XIRP2: variants seen among roughly 807,000 people sequenced by gnomAD.
XIRP2 encodes xin actin binding repeat containing 2, also known as xin actin-binding repeat-containing protein 2.
XIRP2 carries 236 observed loss-of-function variants against 277.0 expected under a neutral mutation model. The observed-to-expected ratio is 0.85, with a 90% CI of 0.77 to 0.95. The LOEUF (loss-of-function observed/expected upper bound fraction) is 0.95. Among genes scored for constraint, XIRP2 ranks in the 40% least tolerant of loss-of-function variants. XIRP2 has a pLI of 0.00. For synonymous variants in XIRP2, 1,490 were observed against 1,416.5 expected, an observed-to-expected ratio of 1.05 and a Z score of -1.17; for missense variants, 4,640 against 4,157.5, an observed-to-expected ratio of 1.12 and a Z score of -3.19.
At position 167,249,967 on chromosome 2, in the gene XIRP2, G is replaced by A. The variant is rs201728014; in HGVS notation, c.8575G>A (p.Asp2859Asn). ...AAAGGTCGTCAAGCAAAAGGTTATC[G>A]ATGCACATCTTGATTCACAGACTCA... ...APKVVKQKVI[D>N]AHLDSQTQNF... Residue 2859 changes from aspartate (D) to asparagine (N), a missense_variant, in exon 9 of 11, where the codon GAT becomes AAT. Transcript: ENST00000409195. 2.4e-5 allele frequency: 38 copies of A among 1,613,412 alleles called. No individual in the cohort carries two copies. Among genetic ancestry groups the A allele is most frequent in the Non-Finnish European group, 1.9e-5 (23 of 1,179,678 alleles).
chr2:166,896,839 G>A (rs376388647), intron 1 of XIRP2, among the ~76,000 whole-genome samples: 2 of 152,104 alleles, frequency 1.3e-5, no homozygotes, highest in East Asian at 1.9e-4. Flanking sequence ...CCCCATACAG[G>A]TATAATACAT....
chr2:167,044,582 A>G (rs1360102694), intron 2 of XIRP2, among the ~76,000 whole-genome samples: 1 of 152,186 alleles, frequency 6.6e-6, no homozygotes, highest in Non-Finnish European at 1.5e-5. Context: ...CTTTCAGGAT[A>G]CAAAATCAAT....
At chr2:167,142,072 G>A (rs1691736483) in intron 3 of XIRP2, among the ~76,000 whole-genome samples, 1 of 152,078 alleles carries the variant, frequency 6.6e-6, no homozygotes, top group Non-Finnish European at 1.5e-5. Context: ...TGGGAAGTGT[G>A]TGGAATCACT....
At chr2:166,904,657 T>A (rs1684469315) in intron 2 of XIRP2, among the ~76,000 whole-genome samples, 1 of 152,182 alleles carries the variant, frequency 6.6e-6, no homozygotes, top group Admixed American at 6.5e-5. Flanking sequence ...CTGGAATTAC[T>A]TGAATTTATT....
At chr2:166,951,167 A>G (rs1412900812) in intron 2 of XIRP2, among the ~76,000 whole-genome samples, 2 of 152,088 alleles carry the variant, frequency 1.3e-5, no homozygotes, top group Non-Finnish European at 2.9e-5. Context: ...TTAAGCATTC[A>G]TAATGTCATA....
At position 167,243,019 on chromosome 2, in the gene XIRP2, C is replaced by A; in HGVS notation, c.1627C>A (p.Arg543=). Residue 543 remains arginine, a synonymous_variant, in exon 9 of 11, where the codon CGG becomes AGG. Transcript: ENST00000409195. ...SSVSADVQQA[R]YVFENTNDSS... is the part of the protein sequence containing the mutation. ...AGTCTCAGCAGATGTGCAACAAGCC[C>A]GGTATGTTTTTGAAAACACAAATGA... 2 of 1,613,902 alleles carry A rather than the reference C, an allele frequency of 1.2e-6. No homozygotes were observed. Among genetic ancestry groups the A allele is most frequent in the African/African-American group, 2.7e-5 (2 of 74,992 alleles).
chr2:166,995,265 G>A (rs1407099328), intron 2 of XIRP2, among the ~76,000 whole-genome samples: 1 of 152,170 alleles, frequency 6.6e-6, no homozygotes, highest in East Asian at 1.9e-4. Flanking sequence ...ATAGCCATCT[G>A]GCATTTGGAT....
intron 2 of XIRP2, among the ~76,000 whole-genome samples, chr2:167,102,306 A>T (rs937295485): frequency 2.6e-5 from 4 of 152,220 alleles, no homozygotes; most frequent in African/African-American, 9.6e-5. Context: ...AGCCTGCACA[A>T]GAAGTCCTTT....
intron 2 of XIRP2, among the ~76,000 whole-genome samples, chr2:167,071,157 T>C (rs1387928136): frequency 1.3e-5 from 2 of 152,136 alleles, no homozygotes; most frequent in Non-Finnish European, 2.9e-5. Flanking sequence ...TCAATAAAAT[T>C]ACTTCCTAGG....
intron 2 of XIRP2, among the ~76,000 whole-genome samples, chr2:166,959,494 G>A (rs1197175675): frequency 1.3e-5 from 2 of 151,760 alleles, no homozygotes; most frequent in African/African-American, 2.4e-5. Flanking sequence ...AATGCAGGGG[G>A]AAGGAAAAGC....
chr2:167,238,387 G>A (rs1165383637), intron 5 of XIRP2, among the ~76,000 whole-genome samples: 1 of 151,920 alleles, frequency 6.6e-6, no homozygotes, highest in Non-Finnish European at 1.5e-5. Context: ...AGGACTTCTA[G>A]GAAGGCCTCA....
At chr2:167,226,579 GAAAA>G (rs1453252281) in intron 5 of XIRP2, among the ~76,000 whole-genome samples, 2 of 152,124 alleles carry the variant, frequency 1.3e-5, no homozygotes, top group Non-Finnish European at 2.9e-5. Context: ...ATGAAAGATA[GAAAA>G]GCCTTTTCTT....
chr2:167,213,989 T>C (rs4610018), intron 4 of XIRP2, among the ~76,000 whole-genome samples: 34,724 of 150,842 alleles, frequency 0.23, 4,939 homozygotes, highest in African/African-American at 0.4. Context: ...GAGGCTGAGG[T>C]GGGTGGATCA....
At chr2:167,136,695 T>A (rs2105319364) in intron 3 of XIRP2, among the ~76,000 whole-genome samples, 1 of 152,342 alleles carries the variant, frequency 6.6e-6, no homozygotes, top group East Asian at 1.9e-4. Context: ...AAAATACAGA[T>A]CTTATTTATC....
chr2:167,033,731 A>G (rs1390399937), intron 2 of XIRP2, among the ~76,000 whole-genome samples: 1 of 152,174 alleles, frequency 6.6e-6, no homozygotes, highest in Non-Finnish European at 1.5e-5. Flanking sequence ...GGCATGACAT[A>G]TATAAGATAA....
rs146935104 is a variant in XIRP2, at chr2:166,942,311, A to T, written c.408+38421A>T. On this transcript the variant is annotated intron_variant, in intron 2 of 10. Coordinates refer to ENST00000409195, the MANE Select transcript of XIRP2 (RefSeq NM_152381.6). ...TAGAATAAGTTTAGCCTTGGAGTCA[A>T]GCAAAGACATCGTAATAATATTGTC... Among the ~76,000 whole-genome samples, 19 of 152,366 alleles carry T rather than the reference A, an allele frequency of 1.2e-4. No individual in the cohort carries two copies. In the East Asian group the frequency reaches 3.7e-3, roughly 29 times the overall value.
intron 2 of XIRP2, among the ~76,000 whole-genome samples, chr2:167,084,422 C>G (rs10171381): frequency 0.71 from 105,791 of 149,440 alleles, 39,525 homozygotes; most frequent in Non-Finnish European, 0.83. Context: ...TGTGTCTCTG[C>G]CCGGCTTTGG....
At chr2:167,005,305 A>G (rs113967646) in intron 2 of XIRP2, among the ~76,000 whole-genome samples, 1 of 151,984 alleles carries the variant, frequency 6.6e-6, no homozygotes, top group African/African-American at 2.4e-5. Flanking sequence ...TTAGCCTAGG[A>G]CATCTTTTAT....
chr2:167,251,453 T>A lies in XIRP2; in HGVS notation c.10061T>A (p.Val3354Asp). The A allele has an allele frequency of 6.2e-7, 1 of 1,613,246 alleles. No individual in the cohort carries two copies. Among genetic ancestry groups the A allele is most frequent in the South Asian group, 1.1e-5 (1 of 91,058 alleles). Residue 3354 changes from valine to aspartate, a missense_variant, in exon 9 of 11, where the codon GTT becomes GAT. Val to Asp is a radical substitution (Grantham distance 152). Coordinates refer to ENST00000409195, the MANE Select transcript of XIRP2 (RefSeq NM_152381.6). ...TCTGAAGCAAAGTCAAATAGAAGAG[T>A]TTATGCAAAGGGAGAAACAAACCAT... Reference protein sequence around the residue: ...PVSEAKSNRRVYAKGETNHNI... With the variant: ...PVSEAKSNRRDYAKGETNHNI...
Sources: gnomAD v4.1 joint callset for allele counts (sites outside exome capture counted in the v4.1 genomes callset) on GRCh38, gnomAD v4.1.1 for gene constraint, MANE v1.5 for transcripts, NCBI Gene and HGNC (gene_info 2026-07-23, HGNC 2026-07-21) for gene names.